BET1: variants seen among roughly 807,000 people sequenced by gnomAD.
The protein encoded by BET1 is Bet1 golgi vesicular membrane trafficking protein.
A neutral mutation model predicts 13.9 loss-of-function variants in BET1; 9 were observed. The ratio of observed to expected loss-of-function variants is 0.65; its 90% CI spans 0.39 to 1.13. BET1 has a LOEUF of 1.13. Among genes scored for constraint, BET1 ranks in the 50% most tolerant of loss-of-function variants. The probability of loss-of-function intolerance (pLI) is 0.01; values close to 1 mark genes in which losing one functional copy is unlikely to be tolerated. For missense variants in BET1, 127 were observed against 133.6 expected, an observed-to-expected ratio of 0.95 and a Z score of 0.24; for synonymous variants, 39 against 47.3, an observed-to-expected ratio of 0.82 and a Z score of 0.72.
At chr7:93,995,772 A>G (rs1255238318) in intron 3 of BET1, among the ~76,000 whole-genome samples, 1 of 152,128 alleles carries the variant, frequency 6.6e-6, no homozygotes, top group African/African-American at 2.4e-5. Context: ...ATGGAAGGGG[A>G]CTCTAACAAG....
At chr7:93,976,027 C>T in exon 5 of BET1, 1 of 1,279,482 alleles carries the variant, frequency 7.8e-7, no homozygotes, top group Non-Finnish European at 1.0e-6. Context: ...TGGACAAATG[C>T]TGAGGAACAG....
chr7:93,971,687 G>A (rs932218891), intron 6 of BET1, among the ~76,000 whole-genome samples: 6 of 151,316 alleles, frequency 4.0e-5, no homozygotes, highest in African/African-American at 1.2e-4. Flanking sequence ...AATTAATAAA[G>A]CCCACTTTCA....
At chr7:93,998,988 G>A (rs1404234165) in intron 2 of BET1, among the ~76,000 whole-genome samples, 182 bp downstream of exon 2, 1 of 152,072 alleles carries the variant, frequency 6.6e-6, no homozygotes, top group Non-Finnish European at 1.5e-5. Flanking sequence ...ATCTTTTGAT[G>A]TGCCACATTT....
intron 3 of BET1, 192 bp downstream of exon 3, chr7:93,996,073 C>T: frequency 1.8e-6 from 1 of 540,940 alleles, no homozygotes; most frequent in East Asian, 3.3e-5. Context: ...CTCCCACTTA[C>T]ATGCGTAAGA....
intron 3 of BET1, among the ~76,000 whole-genome samples, chr7:93,994,905 G>A (rs1795729221): frequency 6.6e-6 from 1 of 152,188 alleles, no homozygotes; most frequent in Non-Finnish European, 1.5e-5. Context: ...GTGCAGTGGT[G>A]CAATCTCAGC....
At chr7:93,971,103 T>C (rs967828481) in intron 6 of BET1, among the ~76,000 whole-genome samples, 8 of 151,858 alleles carry the variant, frequency 5.3e-5, no homozygotes, top group African/African-American at 1.9e-4. Flanking sequence ...TTAAAACAAC[T>C]TCTACTGCAT....
intron 3 of BET1, among the ~76,000 whole-genome samples, chr7:93,995,822 T>C (rs1461743925): frequency 6.6e-6 from 1 of 152,192 alleles, no homozygotes. Context: ...CTCTGGGCTG[T>C]TCAAATGTAT....
intron 3 of BET1, among the ~76,000 whole-genome samples, chr7:93,995,663 C>T (rs1384258172): frequency 6.6e-6 from 1 of 152,144 alleles, no homozygotes; most frequent in African/African-American, 2.4e-5. Flanking sequence ...AAGAACATTG[C>T]TTTTGATGCC....
At chr7:93,993,089 A>C (rs763408921), downstream of BET1, 3 of 979,802 alleles carry the variant, frequency 3.1e-6, no homozygotes, top group Non-Finnish European at 3.6e-6. Flanking sequence ...ATAAAGAATT[A>C]AAGAGATTTT....
exon 7 of BET1, chr7:93,964,767 G>A (rs932000084): frequency 6.6e-6 from 1 of 151,972 alleles, no homozygotes; most frequent in Non-Finnish European, 1.5e-5. Flanking sequence ...ACCACAATGA[G>A]ATACCACGAG....
At chr7:93,975,799 T>C (rs1310955300) in intron 5 of BET1, 12 of 454,244 alleles carry the variant, frequency 2.6e-5, no homozygotes, top group Non-Finnish European at 3.4e-5. Context: ...TTGAAGAATG[T>C]CATGATGTTC....
chr7:93,968,029 A>G (rs1795202722), intron 6 of BET1, among the ~76,000 whole-genome samples: 1 of 151,790 alleles, frequency 6.6e-6, no homozygotes, highest in Non-Finnish European at 1.5e-5. Context: ...TCTTAACGTA[A>G]TAATGAGCAC....
intron 3 of BET1, chr7:93,995,885 C>A (rs1040838418): frequency 1.0e-5 from 3 of 292,508 alleles, no homozygotes; most frequent in Non-Finnish European, 1.9e-5. Context: ...GAGTAAGTAT[C>A]CATTAAGTGA....
At chr7:93,968,377 G>A (rs1360697868) in intron 6 of BET1, 1 of 151,668 alleles carries the variant, frequency 6.6e-6, no homozygotes, top group Non-Finnish European at 1.5e-5. Flanking sequence ...GACTTATCAA[G>A]GCAGGGAAGT....
rs997136566 is a variant in BET1, at chr7:93,994,396, T to C, written c.202-11A>G. 1.9e-6 allele frequency: 3 copies of C among 1,606,010 alleles called. No individual in the cohort carries two copies. Among genetic ancestry groups the C allele is most frequent in the Admixed American group, 1.7e-5 (1 of 58,920 alleles). On this transcript the variant is annotated splice_polypyrimidine_tract_variant and intron_variant, in intron 3 of 3. Coordinates refer to ENST00000222547, the MANE Select transcript of BET1 (RefSeq NM_005868.6). The stretch of plus-strand genomic sequence containing the variant: ...ATCAAATTGTGAATCCTATCAGAGA[T>C]AAAGGCAAATAAAATATCACAGTTA...
At chr7:93,983,772 A>G (rs1390259369) in intron 4 of BET1, among the ~76,000 whole-genome samples, 1 of 152,204 alleles carries the variant, frequency 6.6e-6, no homozygotes, top group Non-Finnish European at 1.5e-5. Flanking sequence ...AGAAAAAAAA[A>G]GGAAAAGAAA....
intron 2 of BET1, among the ~76,000 whole-genome samples, chr7:93,998,499 G>A (rs1562808298): frequency 6.6e-6 from 1 of 152,078 alleles, no homozygotes; most frequent in Non-Finnish European, 1.5e-5. Flanking sequence ...AAGAGTTCAA[G>A]ACCAGCCTGG....
chr7:93,983,440 G>A (rs1455672110), intron 4 of BET1, among the ~76,000 whole-genome samples: 7 of 152,106 alleles, frequency 4.6e-5, no homozygotes, highest in African/African-American at 1.7e-4. Context: ...CAATATTTTA[G>A]GGGATTAAAA....
Position 93,968,808 on chromosome 7 carries a change from T to C in BET1, c.*138-3121A>G, listed in dbSNP as rs150043360. Among the ~76,000 whole-genome samples the C allele has an allele frequency of 3.1e-4, 47 of 151,832 alleles. 1 individual carries two copies. In the East Asian group the frequency reaches 4.5e-3, roughly 14 times the overall value. ...AGGTATATACACTTATACACACACA[T>C]ACACACATATATACAAAGTTCAAAG... On this transcript the variant is annotated intron_variant and NMD_transcript_variant, in intron 6 of 6. Coordinates refer to the BET1 transcript ENST00000357520.
Sources: gnomAD v4.1 joint callset for allele counts (sites outside exome capture counted in the v4.1 genomes callset) on GRCh38, gnomAD v4.1.1 for gene constraint, MANE v1.5 for transcripts, NCBI Gene and HGNC (gene_info 2026-07-23, HGNC 2026-07-21) for gene names.